The following EIF4G3 variants were observed in gnomAD, a reference collection of about 807,000 sequenced individuals.
The protein encoded by EIF4G3 is eukaryotic translation initiation factor 4 gamma 3.
A neutral mutation model predicts 186.4 loss-of-function variants in EIF4G3; 34 were observed. The ratio of observed to expected loss-of-function variants is 0.18; its 90% confidence interval spans 0.14 to 0.24. EIF4G3 has a LOEUF of 0.24. Among genes scored for constraint, EIF4G3 ranks in the 10% least tolerant of loss-of-function variants. The probability of loss-of-function intolerance (pLI) is 1.00; values close to 1 mark genes in which losing one functional copy is unlikely to be tolerated. For missense variants in EIF4G3, 1,536 were observed against 1,948.5 expected, an observed-to-expected ratio of 0.79 and a Z score of 3.99; for synonymous variants, 673 against 679.5, an observed-to-expected ratio of 0.99 and a Z score of 0.15.
intron 14 of EIF4G3, among the ~76,000 whole-genome samples, chr1:20,924,506 C>T (rs551254170): frequency 3.3e-5 from 5 of 152,148 alleles, no homozygotes; most frequent in Admixed American, 1.3e-4. Flanking sequence ...AGGTACCTTT[C>T]GAAATTTGAC....
At chr1:20,917,123 T>C (rs985527247) in intron 14 of EIF4G3, among the ~76,000 whole-genome samples, 8 of 151,998 alleles carry the variant, frequency 5.3e-5, no homozygotes, top group South Asian at 2.1e-4. Flanking sequence ...AACAGACAAA[T>C]TGTGGCAAAT....
intron 2 of EIF4G3, among the ~76,000 whole-genome samples, chr1:21,172,190 G>A (rs2097993107): frequency 6.7e-6 from 1 of 150,284 alleles, no homozygotes; most frequent in South Asian, 2.1e-4. Flanking sequence ...AGCAGCAATG[G>A]AATTGGAAAA....
In EIF4G3 at chr1:21,029,470, G is replaced by T. The variant is rs149968105; in HGVS notation, c.-67+21396C>A. Among the ~76,000 whole-genome samples, 115 of 152,104 alleles carry T rather than the reference G, an allele frequency of 7.6e-4. 1 individual carries two copies. The highest frequency in any genetic ancestry group is 5.6e-3 in the East Asian group (29 of 5,148). On this transcript the variant is annotated intron_variant, in intron 4 of 36. Coordinates refer to ENST00000602326, the MANE Select transcript of EIF4G3 (RefSeq NM_001391906.1). ...GGAAGAAAGAGAAATTGAGTCGGGG[G>T]GGGGAAGGGAACTAGTGGGCCAGGT...
chr1:21,027,855 T>A (rs138450544), intron 4 of EIF4G3, among the ~76,000 whole-genome samples: 270 of 152,332 alleles, frequency 1.8e-3, no homozygotes, highest in African/African-American at 6.0e-3. Flanking sequence ...ATATCACTAT[T>A]ATTCATAACT....
chr1:21,124,157 C>T (rs1311873244), intron 2 of EIF4G3, among the ~76,000 whole-genome samples: 2 of 151,716 alleles, frequency 1.3e-5, no homozygotes, highest in African/African-American at 2.4e-5. Flanking sequence ...CAGCTGTGGT[C>T]GTGGGCGCCT....
At chr1:21,107,711 T>G (rs1043081791) in intron 2 of EIF4G3, among the ~76,000 whole-genome samples, 1 of 152,184 alleles carries the variant, frequency 6.6e-6, no homozygotes, top group Non-Finnish European at 1.5e-5. Context: ...CAGGATCTCA[T>G]GCTGTCACCC....
At chr1:21,054,274 T>G (rs1043399049) in intron 3 of EIF4G3, among the ~76,000 whole-genome samples, 5 of 150,088 alleles carry the variant, frequency 3.3e-5, no homozygotes, top group African/African-American at 1.2e-4. Context: ...GAAGGCAGCA[T>G]GCCCGTTAAG....
At chr1:20,981,937 AAGT>A (rs1346617998) in intron 8 of EIF4G3, among the ~76,000 whole-genome samples, 5 of 152,320 alleles carry the variant, frequency 3.3e-5, no homozygotes, top group East Asian at 3.9e-4. Flanking sequence ...TAAAAATTAA[AAGT>A]AGCCTCCTAA....
At position 20,812,931 on chromosome 1, in the gene EIF4G3, C is replaced by G. The variant is rs574195092; in HGVS notation, c.4597+227G>C. Reference sequence around the variant, plus strand: ...ACGTAGTGAAAAACAACCCAAGGAGCATGCAAGGCATGTGGTAGCTGGTTA... The same window carrying G: ...ACGTAGTGAAAAACAACCCAAGGAGGATGCAAGGCATGTGGTAGCTGGTTA... On this transcript the variant is annotated intron_variant, in intron 35 of 36. Transcript: ENST00000602326. 8.5e-5 allele frequency among the ~76,000 whole-genome samples: 13 copies of G among 152,250 alleles called. No individual in the cohort carries two copies. The East Asian group carries it at 2.3e-3, about 27-fold the overall frequency.
chr1:21,160,253 C>A (rs1473990421), intron 2 of EIF4G3, among the ~76,000 whole-genome samples: 1 of 151,930 alleles, frequency 6.6e-6, no homozygotes, highest in South Asian at 2.1e-4. Context: ...AAAATATATA[C>A]CCATGAGTCC....
At chr1:20,965,199 G>A (rs1049189917) in intron 12 of EIF4G3, among the ~76,000 whole-genome samples, 1 of 152,062 alleles carries the variant, frequency 6.6e-6, no homozygotes. Context: ...GAAACCTCAA[G>A]ACCAAATTAG....
At chr1:20,864,323 C>T (rs1183578659) in intron 22 of EIF4G3, among the ~76,000 whole-genome samples, 153 bp downstream of exon 22, 2 of 152,074 alleles carry the variant, frequency 1.3e-5, no homozygotes, top group Admixed American at 6.6e-5. Context: ...GTAAGGAGCA[C>T]GATGGTTGAA....
intron 2 of EIF4G3, among the ~76,000 whole-genome samples, chr1:21,165,962 G>A (rs1279826817): frequency 6.6e-6 from 1 of 151,106 alleles, no homozygotes; most frequent in East Asian, 1.9e-4. Context: ...TCTACCATGA[G>A]AATCCTCCAT....
intron 19 of EIF4G3, 141 bp downstream of exon 19, chr1:20,886,060 C>T: frequency 1.8e-6 from 2 of 1,101,766 alleles, no homozygotes; most frequent in Non-Finnish European, 2.6e-6. Context: ...TCCATAATGG[C>T]TTTTAGAATA....
At chr1:20,844,860 C>A (rs991438153) in intron 29 of EIF4G3, among the ~76,000 whole-genome samples, 1 of 151,736 alleles carries the variant, frequency 6.6e-6, no homozygotes, top group Non-Finnish European at 1.5e-5. Flanking sequence ...AAGACAACAA[C>A]AAAAAAAACC....
chr1:20,977,955 A>C lies in EIF4G3; in HGVS notation c.493+2379T>G, dbSNP rs1393569254. Among the ~76,000 whole-genome samples, 5 of 152,320 alleles carry C rather than the reference A, an allele frequency of 3.3e-5. No homozygotes were observed. In the East Asian group the frequency reaches 5.8e-4, roughly 18 times the overall value. ...GATTGGCATAATCACTAAGTAAAAA[A>C]GCAGATTACAATTCAGTAAGACATC... On this transcript the variant is annotated intron_variant, in intron 10 of 36. Transcript: ENST00000602326.
chr1:21,128,910 A>G (rs2097099833), intron 2 of EIF4G3, among the ~76,000 whole-genome samples: 1 of 152,210 alleles, frequency 6.6e-6, no homozygotes, highest in Admixed American at 6.5e-5. Flanking sequence ...AAGGCCACAT[A>G]ATATAAAACG....
intron 6 of EIF4G3, among the ~76,000 whole-genome samples, chr1:21,000,024 A>C (rs1393806846): frequency 6.6e-6 from 1 of 151,898 alleles, no homozygotes; most frequent in Non-Finnish European, 1.5e-5. Flanking sequence ...GAAACTTAAC[A>C]CCACAAAATA....
At chr1:21,016,941 C>G (rs1473626999) in intron 4 of EIF4G3, among the ~76,000 whole-genome samples, 1 of 152,066 alleles carries the variant, frequency 6.6e-6, no homozygotes, top group Non-Finnish European at 1.5e-5. Flanking sequence ...TGCACTCCAG[C>G]CTGGTGACAG....
Sources: allele counts gnomAD v4.1 joint callset (sites outside exome capture counted in the v4.1 genomes callset), GRCh38; gene constraint gnomAD v4.1.1; transcripts MANE v1.5; gene names NCBI Gene and HGNC (gene_info 2026-07-23, HGNC 2026-07-21).